AGBL3: variants seen among roughly 807,000 people sequenced by gnomAD.
AGBL3 encodes the protein cytosolic carboxypeptidase 3.
In AGBL3, 68 loss-of-function variants were observed where a neutral mutation model predicts 94.5. That is an observed-to-expected ratio of 0.72 (90% confidence interval 0.59 to 0.88). The LOEUF is 0.88. AGBL3 is among the 40% of genes least tolerant of loss of function. The pLI is 0.00. For synonymous variants in AGBL3, 354 were observed against 370.7 expected (o/e 0.95, Z 0.52); for missense variants, 934 against 1,103.8 (o/e 0.85, Z 2.18).
At chr7:135,132,876 G>A (rs770825869) in intron 16 of AGBL3, among the ~76,000 whole-genome samples, 25 of 152,002 alleles carry the variant, frequency 1.6e-4, no homozygotes, top group South Asian at 4.1e-4. Flanking sequence ...TATTAGCAGC[G>A]TGAGAATAGA....
chr7:135,051,263 A>G (rs1817849861), intron 11 of AGBL3: 1 of 190,370 alleles, frequency 5.3e-6, no homozygotes, highest in Non-Finnish European at 1.1e-5. Context: ...CTGGTGACTA[A>G]TATGTTTGTT....
rs182358081 is a variant in AGBL3, at chr7:135,068,501, C to A, written c.1909-7896C>A. Among the ~76,000 whole-genome samples, 343 of 152,230 alleles carry A rather than the reference C, an allele frequency of 2.3e-3. 1 individual carries two copies. Among genetic ancestry groups the A allele is most frequent in the African/African-American group, 7.6e-3 (314 of 41,528 alleles). ...AGCCAGAGAGAAAGGTCGGGTTACC[C>A]ACAAAGGGAAGCCCATCAGACTAAC... is the stretch of plus-strand genomic sequence containing the variant. On this transcript the variant is annotated intron_variant, in intron 12 of 16. Transcript: ENST00000436302.
chr7:135,013,561 G>A (rs538130478), intron 4 of AGBL3, among the ~76,000 whole-genome samples: 1 of 152,258 alleles, frequency 6.6e-6, no homozygotes, highest in South Asian at 2.1e-4. Context: ...ACAAATTGGT[G>A]ATCAGTATAT....
At chr7:135,069,870 G>A (rs538909238) in intron 12 of AGBL3, among the ~76,000 whole-genome samples, 516 of 134,814 alleles carry the variant, frequency 3.8e-3, no homozygotes, top group Admixed American at 4.4e-3. Context: ...AAATAACTAA[G>A]ATCAGAGCAG....
Position 135,065,049 on chromosome 7 carries a change from C to T in AGBL3, c.1908+5814C>T, listed in dbSNP as rs148752663. Among the ~76,000 whole-genome samples the T allele has an allele frequency of 2.9e-3, 447 of 152,276 alleles. 2 individuals carry two copies. The highest frequency in any genetic ancestry group is 0.01 in the African/African-American group (426 of 41,548). On this transcript the variant is annotated intron_variant, in intron 12 of 16. Transcript: ENST00000436302. ...GTTAAAATGACCATAGAAATCCAGCCTCACATCCTCACTATACTAAGTCTG... is the reference window on the plus strand; with the variant it reads ...GTTAAAATGACCATAGAAATCCAGCTTCACATCCTCACTATACTAAGTCTG...
chr7:135,104,038 G>C (rs1232420770), intron 15 of AGBL3, among the ~76,000 whole-genome samples: 1 of 152,062 alleles, frequency 6.6e-6, no homozygotes, highest in Non-Finnish European at 1.5e-5. Context: ...GTACCCAATA[G>C]ATACTTTTTC....
At chr7:135,092,964 C>CA (rs1177198740) in intron 15 of AGBL3, 2 of 151,132 alleles carry the variant, frequency 1.3e-5, no homozygotes, top group Non-Finnish European at 3.0e-5. Flanking sequence ...AAGTATCTGG[C>CA]AAAATCCAAC....
intron 3 of AGBL3, among the ~76,000 whole-genome samples, chr7:134,990,392 C>T (rs1810082331): frequency 6.6e-6 from 1 of 152,180 alleles, no homozygotes; most frequent in South Asian, 2.1e-4. Context: ...TAGCATAATA[C>T]TCTTGAGATT....
intron 4 of AGBL3, chr7:135,012,637 G>A (rs1357420560): frequency 2.0e-5 from 3 of 152,000 alleles, no homozygotes; most frequent in Non-Finnish European, 4.4e-5. Context: ...ATAGACCAAC[G>A]TGTTTATTAC....
chr7:135,127,547 G>A (rs572599381), intron 16 of AGBL3, among the ~76,000 whole-genome samples: 198 of 43,004 alleles, frequency 4.6e-3, no homozygotes, highest in African/African-American at 0.012. Flanking sequence ...GCAAGTCTCC[G>A]TCTAAAAAAA....
intron 4 of AGBL3, among the ~76,000 whole-genome samples, chr7:134,997,167 C>T (rs1275372615): frequency 6.6e-6 from 1 of 152,168 alleles, no homozygotes; most frequent in Non-Finnish European, 1.5e-5. Context: ...CAACCTAGAT[C>T]CCTTGCATGC....
At position 135,032,860 on chromosome 7, in the gene AGBL3, T is replaced by C. The variant is rs1313864454; in HGVS notation, c.435T>C (p.Cys145=). The C allele has an allele frequency of 2.6e-6, 4 of 1,549,360 alleles. No individual in the cohort carries two copies. Among genetic ancestry groups the C allele is most frequent in the Non-Finnish European group, 3.5e-6 (4 of 1,146,072 alleles). ...TCTCATCAGCTTACAAAGAGCCCTGTTTTGTGTATTCCCGAGTTGGGGGTA... is the reference window on the plus strand; with the variant it reads ...TCTCATCAGCTTACAAAGAGCCCTGCTTTGTGTATTCCCGAGTTGGGGGTA... ...YLAEDAYKEP[C]FVYSRVGGNR... The change falls in exon 6 of 17, where the codon TGT becomes TGC. Residue 145 remains cysteine, a synonymous_variant. Transcript: ENST00000436302.
intron 12 of AGBL3, among the ~76,000 whole-genome samples, chr7:135,063,309 ATTGG>A (rs1348865458): frequency 6.6e-6 from 1 of 151,700 alleles, no homozygotes; most frequent in African/African-American, 2.4e-5. Flanking sequence ...AAACCATTTC[ATTGG>A]TCTTTCCTAT....
intron 8 of AGBL3, among the ~76,000 whole-genome samples, chr7:135,038,354 A>G (rs1319874581): frequency 6.6e-6 from 1 of 152,262 alleles, no homozygotes; most frequent in Non-Finnish European, 1.5e-5. Context: ...TCATTTCCTC[A>G]GCAAGAAAGA....
At chr7:135,061,675 C>T (rs974573300) in intron 12 of AGBL3, among the ~76,000 whole-genome samples, 3 of 151,886 alleles carry the variant, frequency 2.0e-5, no homozygotes, top group East Asian at 1.9e-4. Flanking sequence ...CTTGGCACTT[C>T]TGTCAAAAGT....
intron 7 of AGBL3, among the ~76,000 whole-genome samples, chr7:135,037,159 A>G (rs1437225759): frequency 6.6e-6 from 1 of 152,226 alleles, no homozygotes; most frequent in East Asian, 1.9e-4. Flanking sequence ...ACCTCAGGCA[A>G]GCCACCTGCC....
intron 8 of AGBL3, among the ~76,000 whole-genome samples, chr7:135,038,914 G>A (rs1816564189): frequency 6.6e-6 from 1 of 151,814 alleles, no homozygotes; most frequent in South Asian, 2.1e-4. Context: ...AGCCGAGATG[G>A]CGCCACTGCA....
chr7:135,066,465 A>C (rs375780837), intron 12 of AGBL3, among the ~76,000 whole-genome samples: 1 of 152,214 alleles, frequency 6.6e-6, no homozygotes, highest in Non-Finnish European at 1.5e-5. Flanking sequence ...AAATTAAAAA[A>C]TTGTGTTTGC....
chr7:135,086,459 G>C (rs183275388), intron 15 of AGBL3, among the ~76,000 whole-genome samples: 1 of 151,898 alleles, frequency 6.6e-6, no homozygotes, highest in Non-Finnish European at 1.5e-5. Flanking sequence ...GGTTTGTCTT[G>C]TATGGCCTTT....
Sources: allele counts gnomAD v4.1 joint callset (sites outside exome capture counted in the v4.1 genomes callset), GRCh38; gene constraint gnomAD v4.1.1; transcripts MANE v1.5; gene names NCBI Gene and HGNC (gene_info 2026-07-23, HGNC 2026-07-21).